Variants in VAV3 observed in about 807,000 individuals in gnomAD.
The protein encoded by VAV3 is vav guanine nucleotide exchange factor 3.
In VAV3, 94 loss-of-function variants were observed where a neutral mutation model predicts 131.2. The observed-to-expected ratio is 0.72, with a 90% CI of 0.61 to 0.85. The LOEUF is 0.85. Ranked by LOEUF, VAV3 falls within the 40% of genes least tolerant of loss-of-function variation. VAV3 has a pLI of 0.00. For synonymous variants in VAV3, 349 were observed against 342.0 expected (o/e 1.02, Z -0.22); for missense variants, 939 against 1,002.7 (o/e 0.94, Z 0.86).
intron 2 of VAV3, among the ~76,000 whole-genome samples, chr1:107,829,100 C>T (rs908844555): frequency 2.6e-5 from 4 of 152,134 alleles, no homozygotes; most frequent in Non-Finnish European, 5.9e-5. Context: ...GGTCCATTTG[C>T]CATGATGAGC....
At chr1:107,955,742 A>C (rs1168942571) in intron 1 of VAV3, among the ~76,000 whole-genome samples, 1 of 152,162 alleles carries the variant, frequency 6.6e-6, no homozygotes, top group Non-Finnish European at 1.5e-5. Flanking sequence ...AACTGCAAGA[A>C]GGTCAGGAGT....
chr1:107,845,630 A>G (rs1406500412), intron 2 of VAV3, among the ~76,000 whole-genome samples: 1 of 152,182 alleles, frequency 6.6e-6, no homozygotes, highest in Non-Finnish European at 1.5e-5. Context: ...TGAAAAACAC[A>G]GCACGAGAAC....
intron 2 of VAV3, among the ~76,000 whole-genome samples, chr1:107,843,362 A>C (rs1668812936): frequency 1.7e-5 from 2 of 117,302 alleles, no homozygotes; most frequent in South Asian, 6.6e-4. Context: ...TTAGCACAAC[A>C]CAAATATATA....
chr1:107,612,098 T>C (rs148231553), intron 21 of VAV3, among the ~76,000 whole-genome samples: 7,704 of 151,742 alleles, frequency 0.051, 213 homozygotes, highest in Middle Eastern at 0.091. Flanking sequence ...TTAAAAAACA[T>C]TTTATTGAGA....
At chr1:107,858,975 G>C (rs1027042757) in intron 2 of VAV3, among the ~76,000 whole-genome samples, 1 of 152,014 alleles carries the variant, frequency 6.6e-6, no homozygotes, top group East Asian at 1.9e-4. Context: ...TTTGGGGTTT[G>C]GGTGTTTTTG....
intron 25 of VAV3, among the ~76,000 whole-genome samples, chr1:107,577,509 T>C (rs1649740985): frequency 6.6e-6 from 1 of 152,248 alleles, no homozygotes; most frequent in Non-Finnish European, 1.5e-5. Flanking sequence ...TCAGCCTCCC[T>C]TGCAGTTCGG....
At chr1:107,884,536 C>T (rs923058031) in intron 1 of VAV3, among the ~76,000 whole-genome samples, 1 of 151,410 alleles carries the variant, frequency 6.6e-6, no homozygotes, top group African/African-American at 2.4e-5. Context: ...AATCTGATCT[C>T]ATGTGCTCAA....
chr1:107,584,588 A>G (rs954799689), intron 25 of VAV3, among the ~76,000 whole-genome samples: 1 of 152,176 alleles, frequency 6.6e-6, no homozygotes, highest in African/African-American at 2.4e-5. Flanking sequence ...TATTTTATAT[A>G]TTGTCACTGA....
At chr1:107,785,538 G>A in intron 2 of VAV3, 1 of 1,276,062 alleles carries the variant, frequency 7.8e-7, no homozygotes, top group South Asian at 1.4e-5. Context: ...GGTTCAAGAA[G>A]GGGTCCACGG....
At chr1:107,623,952 C>A (rs1182810390) in intron 20 of VAV3, among the ~76,000 whole-genome samples, 1 of 152,122 alleles carries the variant, frequency 6.6e-6, no homozygotes, top group East Asian at 1.9e-4. Flanking sequence ...GGTCTAGGAT[C>A]TCTGAAATTA....
intron 15 of VAV3, among the ~76,000 whole-genome samples, chr1:107,718,614 T>C (rs1661275301): frequency 6.6e-6 from 1 of 152,112 alleles, no homozygotes; most frequent in African/African-American, 2.4e-5. Context: ...ATCAATATCA[T>C]GAAAATGGCC....
intron 2 of VAV3, among the ~76,000 whole-genome samples, chr1:107,798,970 G>T (rs1666697013): frequency 6.6e-6 from 1 of 151,728 alleles, no homozygotes; most frequent in African/African-American, 2.4e-5. Context: ...ATTCCTCTGT[G>T]GAACCAGCCT....
chr1:107,657,560 G>C (rs1224859523), intron 19 of VAV3, among the ~76,000 whole-genome samples: 1 of 151,960 alleles, frequency 6.6e-6, no homozygotes, highest in Non-Finnish European at 1.5e-5. Flanking sequence ...GTTGCCTCTG[G>C]GTATATATTG....
intron 20 of VAV3, among the ~76,000 whole-genome samples, chr1:107,622,298 G>A (rs56329640): frequency 0.032 from 4,838 of 152,218 alleles, 114 homozygotes; most frequent in East Asian, 0.066. Flanking sequence ...CTTCAGGTTT[G>A]CTGGTAGAAA....
chr1:107,834,094 G>A (rs1173788111), intron 2 of VAV3, among the ~76,000 whole-genome samples: 2 of 152,174 alleles, frequency 1.3e-5, no homozygotes, highest in Non-Finnish European at 2.9e-5. Context: ...TTTAACTACA[G>A]TCAACAATTT....
chr1:107,637,593 A>G (rs778540942), intron 20 of VAV3, among the ~76,000 whole-genome samples: 4 of 152,150 alleles, frequency 2.6e-5, no homozygotes, highest in Non-Finnish European at 4.4e-5. Flanking sequence ...GCTGCACTCC[A>G]GCCTCTCCAG....
chr1:107,813,966 C>CTGTGTGTGTG (rs1557862656), intron 2 of VAV3, among the ~76,000 whole-genome samples: 6 of 85,806 alleles, frequency 7.0e-5, no homozygotes, highest in African/African-American at 2.5e-4. Flanking sequence ...AATAGTACTC[C>CTGTGTGTGTG]AGTGTGTGTG....
chr1:107,586,880 A>T (rs568222214), intron 25 of VAV3, among the ~76,000 whole-genome samples: 1 of 152,182 alleles, frequency 6.6e-6, no homozygotes, highest in Non-Finnish European at 1.5e-5. Flanking sequence ...GCTATAGTAC[A>T]TCAAATTTCT....
intron 15 of VAV3, among the ~76,000 whole-genome samples, chr1:107,719,669 G>T (rs1400853628): frequency 6.6e-6 from 1 of 152,148 alleles, no homozygotes; most frequent in Non-Finnish European, 1.5e-5. Context: ...CAAGGATCTA[G>T]AACTAGAAAT....
Sources: allele counts gnomAD v4.1 joint callset (sites outside exome capture counted in the v4.1 genomes callset), GRCh38; gene constraint gnomAD v4.1.1; transcripts MANE v1.5; gene names NCBI Gene and HGNC (gene_info 2026-07-23, HGNC 2026-07-21).